ATP6V1H: variants seen among roughly 807,000 people sequenced by gnomAD.
ATP6V1H encodes the protein ATPase H+ transporting V1 subunit H.
A neutral mutation model predicts 71.7 loss-of-function variants in ATP6V1H; 39 were observed. That is an observed-to-expected ratio of 0.54 (90% CI 0.42 to 0.71). The LOEUF (loss-of-function observed/expected upper bound fraction) is 0.71, where lower values mean the gene tolerates loss of function less well. Ranked by LOEUF, ATP6V1H falls within the 30% of genes least tolerant of loss-of-function variation. The pLI, the probability that ATP6V1H is intolerant of heterozygous loss-of-function variation, is 0.00. For missense variants in ATP6V1H, 509 were observed against 594.9 expected, an observed-to-expected ratio of 0.86 and a Z score of 1.50; for synonymous variants, 192 against 199.3, an observed-to-expected ratio of 0.96 and a Z score of 0.31.
intron 8 of ATP6V1H, among the ~76,000 whole-genome samples, chr8:53,797,775 G>A (rs896608864): frequency 6.6e-6 from 1 of 151,812 alleles, no homozygotes. Flanking sequence ...CAGGGTGGGC[G>A]GATCTCTTGA....
In ATP6V1H at chr8:53,748,115, G is replaced by A. The variant is rs371211412; in HGVS notation, c.1278-4425C>T. On this transcript the variant is annotated intron_variant, in intron 12 of 13. Transcript: ENST00000359530. ...GGAGGTTGCAGTGAGCCGAGATCAC[G>A]CCATTGCACTCCAGCCTGGGCAACA... Among the ~76,000 whole-genome samples the A allele has an allele frequency of 4.0e-5, 6 of 151,568 alleles. No homozygotes were observed. The East Asian group carries it at 7.8e-4, about 20-fold the overall frequency.
At chr8:53,815,858 C>A (rs960619850) in intron 5 of ATP6V1H, among the ~76,000 whole-genome samples, 1 of 152,256 alleles carries the variant, frequency 6.6e-6, no homozygotes, top group African/African-American at 2.4e-5. Context: ...ATGGTTAAAC[C>A]AATGGGAGTC....
intron 10 of ATP6V1H, 37 bp downstream of exon 10, chr8:53,771,952 C>G (rs1314831334): frequency 1.3e-6 from 2 of 1,574,252 alleles, no homozygotes; most frequent in Admixed American, 1.8e-5. Context: ...CAAAGCCCAA[C>G]AGATCCAGCA....
intron 4 of ATP6V1H, among the ~76,000 whole-genome samples, chr8:53,829,082 G>A (rs965255750): frequency 2.6e-5 from 4 of 152,180 alleles, no homozygotes; most frequent in African/African-American, 9.7e-5. Flanking sequence ...GAACATATGA[G>A]CACTGAAATG....
intron 7 of ATP6V1H, among the ~76,000 whole-genome samples, chr8:53,805,895 T>C (rs1213955682): frequency 6.6e-6 from 1 of 152,200 alleles, no homozygotes; most frequent in Non-Finnish European, 1.5e-5. Flanking sequence ...GAATTTATAC[T>C]GTATGATTCC....
chr8:53,778,709 C>T (rs1808986021), intron 9 of ATP6V1H, among the ~76,000 whole-genome samples: 1 of 151,996 alleles, frequency 6.6e-6, no homozygotes, highest in Non-Finnish European at 1.5e-5. Flanking sequence ...AATGGTAGGC[C>T]TAAATCCAAT....
chr8:53,784,042 T>A (rs891150116), intron 9 of ATP6V1H, among the ~76,000 whole-genome samples: 16 of 152,138 alleles, frequency 1.1e-4, no homozygotes, highest in African/African-American at 1.4e-4. Flanking sequence ...CAGAGTTCTG[T>A]AGATGTCTAT....
chr8:53,755,726 A>T (rs866786239), intron 12 of ATP6V1H, among the ~76,000 whole-genome samples: 3 of 5,816 alleles, frequency 5.2e-4, no homozygotes, highest in Non-Finnish European at 8.0e-4. Flanking sequence ...ATATATATAT[A>T]TATATATATA....
chr8:53,829,882 A>G (rs1164270254), intron 3 of ATP6V1H, among the ~76,000 whole-genome samples: 2 of 152,234 alleles, frequency 1.3e-5, no homozygotes, highest in Non-Finnish European at 2.9e-5. Context: ...TTGTACTTAA[A>G]GGGAACAGAA....
intron 4 of ATP6V1H, among the ~76,000 whole-genome samples, chr8:53,821,591 G>A (rs1458164887): frequency 6.6e-6 from 1 of 152,158 alleles, no homozygotes; most frequent in East Asian, 1.9e-4. Flanking sequence ...GGAGGCTGAG[G>A]CATGAGAATC....
intron 6 of ATP6V1H, among the ~76,000 whole-genome samples, chr8:53,812,756 C>T (rs1363302679): frequency 1.3e-5 from 2 of 152,170 alleles, no homozygotes; most frequent in Non-Finnish European, 2.9e-5. Context: ...TGCAGTGGCA[C>T]GATCACAGCT....
rs866253418 is a variant in ATP6V1H, at chr8:53,786,034, G to A, written c.870+9613C>T. ...TGCCCATTCTCAGATCTCAAGCTGCGTGCTGGGAGAACCACTACTCTCTTC... is the reference window on the plus strand; with the variant it reads ...TGCCCATTCTCAGATCTCAAGCTGCATGCTGGGAGAACCACTACTCTCTTC... On this transcript the variant is annotated intron_variant, in intron 9 of 13. Coordinates refer to ENST00000359530, the MANE Select transcript of ATP6V1H (RefSeq NM_015941.4). 2.3e-3 allele frequency among the ~76,000 whole-genome samples: 352 copies of A among 152,312 alleles called. 2 individuals carry two copies. Among genetic ancestry groups the A allele is most frequent in the African/African-American group, 8.1e-3 (336 of 41,572 alleles).
At chr8:53,787,161 A>C (rs891382647) in intron 9 of ATP6V1H, among the ~76,000 whole-genome samples, 2 of 152,204 alleles carry the variant, frequency 1.3e-5, no homozygotes, top group Admixed American at 1.3e-4. Flanking sequence ...CCACACTTTT[A>C]AAAATGCTGT....
At chr8:53,796,386 C>G (rs1390130671) in intron 8 of ATP6V1H, among the ~76,000 whole-genome samples, 1 of 151,764 alleles carries the variant, frequency 6.6e-6, no homozygotes, top group African/African-American at 2.4e-5. Flanking sequence ...GATAAGGAAA[C>G]TAGGAAAATG....
Position 53,771,271 on chromosome 8 carries a change from T to A in ATP6V1H, c.1049+718A>T, listed in dbSNP as rs138763986. On this transcript the variant is annotated intron_variant, in intron 10 of 13. Coordinates refer to ENST00000359530, the MANE Select transcript of ATP6V1H (RefSeq NM_015941.4). ...AAACCCCAATCCACCCAAGAGAAGTTTCTATTTCCAGAGAGTAACTCTTTT... is the reference window on the plus strand; with the variant it reads ...AAACCCCAATCCACCCAAGAGAAGTATCTATTTCCAGAGAGTAACTCTTTT... Among the ~76,000 whole-genome samples, 335 of 152,334 alleles carry A rather than the reference T, an allele frequency of 2.2e-3. 2 individuals are homozygous for A. The highest frequency in any genetic ancestry group is 7.8e-3 in the African/African-American group (324 of 41,566).
At chr8:53,736,448 G>A (rs1271230544) in intron 13 of ATP6V1H, among the ~76,000 whole-genome samples, 1 of 152,100 alleles carries the variant, frequency 6.6e-6, no homozygotes, top group South Asian at 2.1e-4. Flanking sequence ...CCGAACAGAC[G>A]CCCACAAGTT....
chr8:53,754,921 G>A (rs1275110085), intron 12 of ATP6V1H, among the ~76,000 whole-genome samples: 2 of 152,222 alleles, frequency 1.3e-5, no homozygotes, highest in Non-Finnish European at 2.9e-5. Flanking sequence ...TCCGTACCAT[G>A]GAATGGCTGA....
intron 13 of ATP6V1H, among the ~76,000 whole-genome samples, chr8:53,725,033 T>C (rs968557102): frequency 6.6e-6 from 1 of 152,200 alleles, no homozygotes; most frequent in African/African-American, 2.4e-5. Flanking sequence ...ATATTGGAAT[T>C]CTGAAACTTT....
chr8:53,757,119 C>T (rs537159323), intron 11 of ATP6V1H, among the ~76,000 whole-genome samples: 4 of 152,324 alleles, frequency 2.6e-5, no homozygotes, highest in Admixed American at 1.3e-4. Context: ...AAGAGTGGAA[C>T]ATATACTTTC....
Sources: allele counts gnomAD v4.1 joint callset (sites outside exome capture counted in the v4.1 genomes callset), GRCh38; gene constraint gnomAD v4.1.1; transcripts MANE v1.5; gene names NCBI Gene and HGNC (gene_info 2026-07-23, HGNC 2026-07-21).